DLGAP2: variants seen among roughly 807,000 people sequenced by gnomAD.
DLGAP2 encodes DLG associated protein 2.
DLGAP2 carries 26 observed loss-of-function variants against 100.3 expected under a neutral mutation model. The ratio of observed to expected loss-of-function variants is 0.26; its 90% CI spans 0.19 to 0.36. DLGAP2 has a LOEUF of 0.36. Ranked by LOEUF, DLGAP2 falls within the 10% of genes least tolerant of loss-of-function variation. The probability of loss-of-function intolerance (pLI) is 1.00; values close to 1 mark genes in which losing one functional copy is unlikely to be tolerated. For synonymous variants in DLGAP2, 886 were observed against 630.1 expected (o/e 1.41, Z -6.08); for missense variants, 1,858 against 1,453.2 (o/e 1.28, Z -4.53).
intron 2 of DLGAP2, among the ~76,000 whole-genome samples, chr8:916,949 G>T (rs958094495): frequency 4.3e-4 from 65 of 152,228 alleles, no homozygotes; most frequent in Non-Finnish European, 7.5e-4. Flanking sequence ...TGTGGGGACA[G>T]CCTGGGCCAT....
chr8:1,440,152 T>A (rs538018789), intron 3 of DLGAP2, among the ~76,000 whole-genome samples: 2 of 152,118 alleles, frequency 1.3e-5, no homozygotes, highest in Non-Finnish European at 2.9e-5. Context: ...AAAAAGGAAG[T>A]CTGTTAAAGT....
chr8:1,617,316 A>G (rs779695260), intron 6 of DLGAP2, among the ~76,000 whole-genome samples: 11 of 152,242 alleles, frequency 7.2e-5, no homozygotes, highest in East Asian at 1.9e-4. Flanking sequence ...GCTTTCCCCA[A>G]TGGTTGAACT....
At chr8:1,267,014 G>C (rs1799466753) in intron 3 of DLGAP2, among the ~76,000 whole-genome samples, 1 of 151,910 alleles carries the variant, frequency 6.6e-6, no homozygotes, top group African/African-American at 2.4e-5. Flanking sequence ...AGATCACAAG[G>C]TCAGGAGGTC....
At chr8:1,049,037 A>G (rs1802596388) in intron 2 of DLGAP2, among the ~76,000 whole-genome samples, 1 of 152,216 alleles carries the variant, frequency 6.6e-6, no homozygotes, top group Non-Finnish European at 1.5e-5. Context: ...AGAGATTGAC[A>G]AAGTTATGTG....
At chr8:1,488,189 C>T (rs1407251540) in intron 3 of DLGAP2, among the ~76,000 whole-genome samples, 2 of 152,146 alleles carry the variant, frequency 1.3e-5, no homozygotes, top group African/African-American at 4.8e-5. Flanking sequence ...CCTCCCCACA[C>T]TGTCCTCCAC....
chr8:1,594,406 G>A (rs1345102159), intron 6 of DLGAP2, among the ~76,000 whole-genome samples: 2 of 152,090 alleles, frequency 1.3e-5, no homozygotes, highest in Non-Finnish European at 2.9e-5. Flanking sequence ...TTTTAAATAT[G>A]TGCCAAACAG....
chr8:1,685,329 T>C (rs186683170), intron 12 of DLGAP2, among the ~76,000 whole-genome samples: 2 of 152,114 alleles, frequency 1.3e-5, no homozygotes, highest in African/African-American at 4.8e-5. Flanking sequence ...ACAGAGAAGA[T>C]TGAGGAATCA....
intron 2 of DLGAP2, among the ~76,000 whole-genome samples, chr8:1,090,567 G>A (rs1003950865): frequency 2.0e-5 from 3 of 152,246 alleles, no homozygotes; most frequent in Non-Finnish European, 2.9e-5. Context: ...TCCACAGGGG[G>A]TTTGTCCTGT....
intron 12 of DLGAP2, among the ~76,000 whole-genome samples, chr8:1,691,175 G>A (rs1190047982): frequency 6.6e-6 from 1 of 152,220 alleles, no homozygotes; most frequent in Non-Finnish European, 1.5e-5. Flanking sequence ...AGAACTCGAT[G>A]TTGCTTTCAC....
At chr8:1,203,743 C>G (rs2116766286) in intron 2 of DLGAP2, among the ~76,000 whole-genome samples, 1 of 152,334 alleles carries the variant, frequency 6.6e-6, no homozygotes, top group South Asian at 2.1e-4. Flanking sequence ...TCCACTCTCA[C>G]TTTACAGTGA....
At position 1,460,017 on chromosome 8, in the gene DLGAP2, C is replaced by T. The variant is rs1017332526; in HGVS notation, c.107-41349C>T. ...ATGTAATGGAATGAAGTCAGTAAAC[C>T]TTTTCACGTTCTGGAATTGACAGAG... On this transcript the variant is annotated intron_variant, in intron 3 of 14. Coordinates refer to ENST00000637795, the MANE Select transcript of DLGAP2 (RefSeq NM_001346810.2). 1.8e-4 allele frequency among the ~76,000 whole-genome samples: 28 copies of T among 152,254 alleles called. No homozygotes were observed. In the East Asian group the frequency reaches 2.5e-3, roughly 14 times the overall value.
chr8:892,963 G>C (rs922197888), intron 1 of DLGAP2: 2 of 152,082 alleles, frequency 1.3e-5, no homozygotes, highest in Non-Finnish European at 2.9e-5. Flanking sequence ...CCTGCCTCTG[G>C]GATTGGTCTG....
chr8:1,359,960 G>A (rs1418966690), intron 3 of DLGAP2, among the ~76,000 whole-genome samples: 1 of 152,204 alleles, frequency 6.6e-6, no homozygotes, highest in East Asian at 1.9e-4. Context: ...GTTCGTGGAC[G>A]AGTCCACGGG....
intron 2 of DLGAP2, among the ~76,000 whole-genome samples, chr8:1,042,356 C>G (rs1209158385): frequency 6.6e-6 from 1 of 152,162 alleles, no homozygotes; most frequent in Non-Finnish European, 1.5e-5. Context: ...GTGGGGCTTC[C>G]TTAGGGGTTT....
At chr8:1,122,339 G>A (rs1485790968) in intron 2 of DLGAP2, among the ~76,000 whole-genome samples, 1 of 152,124 alleles carries the variant, frequency 6.6e-6, no homozygotes, top group Admixed American at 6.5e-5. Context: ...TGAGTCACTG[G>A]TGACACATGA....
At chr8:868,790 A>G (rs1462839053) in intron 1 of DLGAP2, among the ~76,000 whole-genome samples, 1 of 152,124 alleles carries the variant, frequency 6.6e-6, no homozygotes, top group African/African-American at 2.4e-5. Context: ...TGTTCATCTG[A>G]GGCCACCGCA....
intron 3 of DLGAP2, among the ~76,000 whole-genome samples, chr8:1,366,012 C>G (rs1027853612): frequency 6.6e-6 from 1 of 152,260 alleles, no homozygotes; most frequent in African/African-American, 2.4e-5. Context: ...CACCGTCCAG[C>G]CTGGCTTCTG....
chr8:1,022,901 G>A lies in DLGAP2; in HGVS notation c.73+114935G>A, dbSNP rs531677028. Among the ~76,000 whole-genome samples, 26 of 152,326 alleles carry A rather than the reference G, an allele frequency of 1.7e-4. No individual in the cohort carries two copies. In the South Asian group the frequency reaches 4.8e-3, roughly 28 times the overall value. On this transcript the variant is annotated intron_variant, in intron 2 of 14. Transcript: ENST00000637795. Reference sequence around the variant, plus strand: ...AGAGTGTTGTCTTTGCACTGAAATTGGCAGCTTTAGAAACACTGGTGGATT... The same window carrying A: ...AGAGTGTTGTCTTTGCACTGAAATTAGCAGCTTTAGAAACACTGGTGGATT...
intron 4 of DLGAP2, among the ~76,000 whole-genome samples, chr8:1,509,379 GATA>G (rs1336815805): frequency 1.3e-5 from 2 of 151,700 alleles, no homozygotes; most frequent in Non-Finnish European, 2.9e-5. Flanking sequence ...GTACACTCTG[GATA>G]ATAAGAGCAC....
Sources: gnomAD v4.1 joint callset for allele counts (sites outside exome capture counted in the v4.1 genomes callset) on GRCh38, gnomAD v4.1.1 for gene constraint, MANE v1.5 for transcripts, NCBI Gene and HGNC (gene_info 2026-07-23, HGNC 2026-07-21) for gene names.